Variants in CACNB2 observed in about 807,000 individuals in gnomAD.
The protein encoded by CACNB2 is voltage-dependent L-type calcium channel subunit beta-2.
CACNB2 carries 42 observed loss-of-function variants against 73.3 expected under a neutral mutation model. The ratio of observed to expected loss-of-function variants is 0.57; its 90% CI spans 0.45 to 0.74. The LOEUF is 0.74. Ranked by LOEUF, CACNB2 falls within the 30% of genes least tolerant of loss-of-function variation. CACNB2 has a pLI of 0.00. For missense variants in CACNB2, 940 were observed against 853.0 expected (o/e 1.10, Z -1.27); for synonymous variants, 348 against 310.3 (o/e 1.12, Z -1.28).
intron 3 of CACNB2, among the ~76,000 whole-genome samples, chr10:18,483,554 A>T (rs1000984872): frequency 6.6e-5 from 10 of 151,926 alleles, no homozygotes; most frequent in African/African-American, 2.4e-4. Context: ...AAAGAAAAGA[A>T]AAAAGAAACC....
chr10:18,290,779 A>G (rs1232205859), intron 2 of CACNB2, among the ~76,000 whole-genome samples: 2 of 152,222 alleles, frequency 1.3e-5, no homozygotes, highest in Non-Finnish European at 2.9e-5. Context: ...GGGAAGGCAG[A>G]GGTCCGCCTG....
At chr10:18,464,212 C>A (rs1475129956) in intron 3 of CACNB2, among the ~76,000 whole-genome samples, 5 of 150,444 alleles carry the variant, frequency 3.3e-5, no homozygotes, top group African/African-American at 1.2e-4. Context: ...AGACTCCTAT[C>A]CCTCTGCATA....
Position 18,538,048 on chromosome 10 carries a change from T to C in CACNB2, c.1303-132T>C, listed in dbSNP as rs576309930. ...CCTAACTAAATAAAAAGGGAGATAG[T>C]AGCAGCACTTATAGAAGCAGGAGCA... On this transcript the variant is annotated intron_variant, in intron 12 of 13. Coordinates refer to ENST00000324631, the MANE Select transcript of CACNB2 (RefSeq NM_201596.3). 3.6e-6 allele frequency: 3 copies of C among 838,190 alleles called. No homozygotes were observed. The South Asian group carries it at 4.1e-5, about 11-fold the overall frequency. 51.9% of individuals were successfully genotyped at this position (838,190 alleles called of 1,614,324 possible). A position where few individuals can be genotyped will look rare whatever the true frequency, so the allele number is the denominator to read the frequency against.
At chr10:18,246,096 A>G (rs756350695) in intron 2 of CACNB2, among the ~76,000 whole-genome samples, 1 of 152,112 alleles carries the variant, frequency 6.6e-6, no homozygotes, top group African/African-American at 2.4e-5. Flanking sequence ...ACCTCAGATG[A>G]AAGACTGTGT....
chr10:18,413,910 C>T (rs117788136), intron 3 of CACNB2, among the ~76,000 whole-genome samples: 9 of 152,344 alleles, frequency 5.9e-5, no homozygotes, highest in East Asian at 1.9e-4. Context: ...CAGCACCTGC[C>T]GTGGAGCAGT....
intron 3 of CACNB2, among the ~76,000 whole-genome samples, chr10:18,422,473 C>T (rs192848086): frequency 5.1e-4 from 78 of 152,270 alleles, no homozygotes; most frequent in African/African-American, 1.7e-3. Context: ...CTTTTTCCTG[C>T]CCAAAGGTTT....
intron 2 of CACNB2, among the ~76,000 whole-genome samples, chr10:18,209,717 G>C (rs2035241093): frequency 3.3e-5 from 5 of 151,988 alleles, no homozygotes; most frequent in Admixed American, 3.3e-4. Context: ...TTTGCTTTTA[G>C]GGCACCATAA....
At chr10:18,214,682 C>A in intron 2 of CACNB2, among the ~76,000 whole-genome samples, 1 of 151,282 alleles carries the variant, frequency 6.6e-6, no homozygotes, top group South Asian at 2.1e-4. Flanking sequence ...GTGGCAACAG[C>A]TGGTCGGGGA....
At chr10:18,259,732 G>GA (rs34296190) in intron 2 of CACNB2, among the ~76,000 whole-genome samples, 1,105 of 40,938 alleles carry the variant, frequency 0.027, 14 homozygotes, top group South Asian at 0.12. Flanking sequence ...CTCTGTCTCA[G>GA]AAAAAAAAAA....
chr10:18,191,687 A>G (rs774576536), intron 2 of CACNB2, among the ~76,000 whole-genome samples: 4 of 152,168 alleles, frequency 2.6e-5, no homozygotes, highest in East Asian at 3.9e-4. Flanking sequence ...AGAACATACA[A>G]TGTTTGAGTT....
Position 18,518,986 on chromosome 10 carries a change from CTGGGTTTTG to C in CACNB2, c.944+22_944+30del. 6.2e-7 allele frequency: 1 copy of C among 1,612,124 alleles called. No individual in the cohort carries two copies. The highest frequency in any genetic ancestry group is 8.5e-7 in the Non-Finnish European group (1 of 1,178,278). ...GAAGGGCGGTGAGTATTTCAGCATA[CTGGGTTTTG>C]TGGATTTTGTCTTAAAGATGGCAAA... On this transcript the variant is annotated intron_variant, in intron 9 of 13. Coordinates refer to ENST00000324631, the MANE Select transcript of CACNB2 (RefSeq NM_201596.3).
intron 2 of CACNB2, among the ~76,000 whole-genome samples, chr10:18,176,869 T>C (rs891377040): frequency 4.0e-5 from 6 of 151,510 alleles, no homozygotes; most frequent in African/African-American, 1.5e-4. Flanking sequence ...TCAGGGGACA[T>C]TGAGAAGGTA....
At chr10:18,271,811 T>A (rs2038065876) in intron 2 of CACNB2, among the ~76,000 whole-genome samples, 1 of 152,200 alleles carries the variant, frequency 6.6e-6, no homozygotes, top group African/African-American at 2.4e-5. Context: ...CTCTTCTGTT[T>A]GAATCATCAG....
At chr10:18,382,362 G>C (rs2043055204) in intron 2 of CACNB2, among the ~76,000 whole-genome samples, 1 of 151,952 alleles carries the variant, frequency 6.6e-6, no homozygotes, top group African/African-American at 2.4e-5. Context: ...AGTTAGCTCA[G>C]TGCCTCTTTT....
intron 3 of CACNB2, among the ~76,000 whole-genome samples, chr10:18,484,248 G>A (rs528289329): frequency 6.6e-6 from 1 of 152,182 alleles, no homozygotes; most frequent in Admixed American, 6.6e-5. Context: ...ACAAAAATTA[G>A]CCGGGCGTGG....
chr10:18,225,837 A>T (rs2035971471), intron 2 of CACNB2, among the ~76,000 whole-genome samples: 1 of 151,914 alleles, frequency 6.6e-6, no homozygotes, highest in Non-Finnish European at 1.5e-5. Flanking sequence ...ATGGGGTCCC[A>T]CTATGTTGCT....
At chr10:18,358,497 G>T (rs886839932) in intron 2 of CACNB2, among the ~76,000 whole-genome samples, 10 of 104,336 alleles carry the variant, frequency 9.6e-5, no homozygotes, top group South Asian at 7.3e-4. Flanking sequence ...TAATGAGCAC[G>T]CTCTCTCTCT....
chr10:18,506,867 G>A (rs1054650765), intron 6 of CACNB2, among the ~76,000 whole-genome samples: 2 of 152,042 alleles, frequency 1.3e-5, no homozygotes, highest in African/African-American at 4.8e-5. Flanking sequence ...TGGCATGATC[G>A]CAGCTCACTG....
At chr10:18,336,580 C>A (rs944020609) in intron 2 of CACNB2, among the ~76,000 whole-genome samples, 2 of 151,858 alleles carry the variant, frequency 1.3e-5, no homozygotes, top group African/African-American at 4.8e-5. Context: ...GATCATGCCA[C>A]TGCACTCCAG....
Sources: allele counts gnomAD v4.1 joint callset (sites outside exome capture counted in the v4.1 genomes callset), GRCh38; gene constraint gnomAD v4.1.1; transcripts MANE v1.5; gene names NCBI Gene and HGNC (gene_info 2026-07-23, HGNC 2026-07-21).